The following RABGAP1L variants were observed in gnomAD, a reference collection of about 807,000 sequenced individuals.
RABGAP1L encodes the protein rab GTPase-activating protein 1-like.
Under a neutral mutation model 137.7 loss-of-function variants are expected in RABGAP1L, and 63 were observed. That is an observed-to-expected ratio of 0.46 (90% CI 0.37 to 0.56). The LOEUF (loss-of-function observed/expected upper bound fraction) is 0.56. RABGAP1L is among the 20% of genes least tolerant of loss of function. The pLI, the probability that RABGAP1L is intolerant of heterozygous loss-of-function variation, is 0.00. For missense variants in RABGAP1L, 1,095 were observed against 1,244.0 expected (o/e 0.88, Z 1.80); for synonymous variants, 431 against 433.7 (o/e 0.99, Z 0.08).
chr1:174,910,898 C>A (rs528820483), intron 19 of RABGAP1L, among the ~76,000 whole-genome samples: 1 of 152,310 alleles, frequency 6.6e-6, no homozygotes, highest in Non-Finnish European at 1.5e-5. Flanking sequence ...AGCAGCTCAA[C>A]CATTTTACAT....
intron 10 of RABGAP1L, among the ~76,000 whole-genome samples, chr1:174,302,360 T>C (rs1677793198): frequency 6.6e-6 from 1 of 152,206 alleles, no homozygotes; most frequent in Non-Finnish European, 1.5e-5. Flanking sequence ...CTAAATACTT[T>C]ACTTGCTTTT....
chr1:174,867,854 A>T (rs994790209), intron 19 of RABGAP1L, among the ~76,000 whole-genome samples: 1 of 152,212 alleles, frequency 6.6e-6, no homozygotes, highest in Non-Finnish European at 1.5e-5. Context: ...CATGTTGTTC[A>T]GGCTGGTCTC....
At chr1:174,169,933 C>G (rs1463486367) in intron 1 of RABGAP1L, among the ~76,000 whole-genome samples, 10 of 152,214 alleles carry the variant, frequency 6.6e-5, no homozygotes, top group Admixed American at 5.9e-4. Flanking sequence ...ATCCTCCTGC[C>G]TCAGCCCTTC....
At chr1:174,256,966 C>T (rs1201330476) in intron 7 of RABGAP1L, among the ~76,000 whole-genome samples, 1 of 152,162 alleles carries the variant, frequency 6.6e-6, no homozygotes, top group African/African-American at 2.4e-5. Flanking sequence ...CCTTGGCATT[C>T]TGATGTAAAC....
At chr1:174,836,491 A>G (rs1692766180) in intron 19 of RABGAP1L, among the ~76,000 whole-genome samples, 1 of 152,224 alleles carries the variant, frequency 6.6e-6, no homozygotes, top group Non-Finnish European at 1.5e-5. Context: ...TTAATAATCA[A>G]GTTTTTACAC....
intron 16 of RABGAP1L, chr1:174,701,083 A>G (rs1282325946): frequency 7.7e-7 from 1 of 1,303,500 alleles, no homozygotes; most frequent in Non-Finnish European, 1.0e-6. Context: ...TTTGTTTTTT[A>G]TTCTTCTTTT....
At chr1:174,789,901 T>C (rs904265184) in intron 18 of RABGAP1L, among the ~76,000 whole-genome samples, 7 of 152,180 alleles carry the variant, frequency 4.6e-5, no homozygotes, top group African/African-American at 1.7e-4. Flanking sequence ...TATTTTCTAA[T>C]TGGATACAGA....
intron 10 of RABGAP1L, among the ~76,000 whole-genome samples, chr1:174,293,941 T>G (rs1348179388): frequency 6.6e-6 from 1 of 152,082 alleles, no homozygotes; most frequent in East Asian, 1.9e-4. Flanking sequence ...TATACATAGT[T>G]CAGAAGCAGC....
At chr1:174,505,380 T>C (rs533248469) in intron 13 of RABGAP1L, among the ~76,000 whole-genome samples, 20 of 152,340 alleles carry the variant, frequency 1.3e-4, no homozygotes, top group African/African-American at 4.6e-4. Flanking sequence ...CCAGTTCTTT[T>C]TCACATTTTG....
chr1:174,797,028 A>G (rs1334013796), intron 18 of RABGAP1L, among the ~76,000 whole-genome samples: 1 of 152,148 alleles, frequency 6.6e-6, no homozygotes, highest in African/African-American at 2.4e-5. Flanking sequence ...ATCATATTTT[A>G]ATTATTACAT....
Position 174,176,728 on chromosome 1 carries a change from A to ATAAAT in RABGAP1L, c.-34+17071_-34+17072insTAAAT, listed in dbSNP as rs1558005427. On this transcript the variant is annotated intron_variant, in intron 1 of 25. Transcript: ENST00000681986. Reference sequence around the variant, plus strand: ...CCCTTTTTCAGAAAAAAAAAAAAAAAAAAAAAAAAAAAAAAAAAGGTCAAC... The same window carrying ATAAAT: ...CCCTTTTTCAGAAAAAAAAAAAAAAATAAATAAAAAAAAAAAAAAAAAAGGTCAAC... 1.5e-4 allele frequency among the ~76,000 whole-genome samples: 21 copies of ATAAAT among 141,120 alleles called. 1 individual carries two copies. Among genetic ancestry groups the ATAAAT allele is most frequent in the South Asian group, 1.2e-3 (5 of 4,286 alleles). The allele number at this position is 141,120 out of a possible 152,430, so 92.6% of individuals were successfully genotyped here. A position where few individuals can be genotyped will look rare whatever the true frequency, so the allele number is the denominator to read the frequency against.
At chr1:174,313,970 T>C (rs919960567) in intron 11 of RABGAP1L, among the ~76,000 whole-genome samples, 1 of 152,204 alleles carries the variant, frequency 6.6e-6, no homozygotes, top group South Asian at 2.1e-4. Context: ...ACTTTTCTTT[T>C]TTTTGATATG....
chr1:174,517,141 A>G (rs1260457307), intron 13 of RABGAP1L, among the ~76,000 whole-genome samples: 2 of 152,000 alleles, frequency 1.3e-5, no homozygotes, highest in African/African-American at 2.4e-5. Context: ...CGTGAATAAT[A>G]TTTCACTAAG....
At chr1:174,657,916 A>G (rs116036572) in intron 14 of RABGAP1L, among the ~76,000 whole-genome samples, 3,196 of 152,288 alleles carry the variant, frequency 0.021, 56 homozygotes, top group Non-Finnish European at 0.032. Context: ...CCCCCAGGAA[A>G]AAGGCTTTTC....
chr1:174,313,856 A>G (rs1679103518), intron 11 of RABGAP1L, among the ~76,000 whole-genome samples: 2 of 152,142 alleles, frequency 1.3e-5, no homozygotes, highest in South Asian at 2.1e-4. Flanking sequence ...ATAAATCTCA[A>G]TTGGTCATCA....
At chr1:174,506,711 T>C (rs1395511930) in intron 13 of RABGAP1L, among the ~76,000 whole-genome samples, 2 of 152,340 alleles carry the variant, frequency 1.3e-5, no homozygotes, top group Non-Finnish European at 2.9e-5. Context: ...TGTCTACGCA[T>C]TGGGTAAAGT....
intron 9 of RABGAP1L, among the ~76,000 whole-genome samples, chr1:174,278,215 C>T (rs1486099886): frequency 6.6e-6 from 1 of 152,020 alleles, no homozygotes; most frequent in Non-Finnish European, 1.5e-5. Context: ...CCAGCCTGGC[C>T]AACATGGTGA....
At chr1:174,987,654 T>C (rs1671710165) in intron 24 of RABGAP1L, among the ~76,000 whole-genome samples, 1 of 152,162 alleles carries the variant, frequency 6.6e-6, no homozygotes, top group African/African-American at 2.4e-5. Context: ...CTTGTAGCAG[T>C]AGGGCATCAA....
chr1:174,180,235 C>T (rs1666238034), intron 1 of RABGAP1L, among the ~76,000 whole-genome samples: 3 of 152,168 alleles, frequency 2.0e-5, no homozygotes, highest in Admixed American at 6.5e-5. Flanking sequence ...GTTCTAGAGC[C>T]AGACAGACCT....
Sources: gnomAD v4.1 joint callset for allele counts (sites outside exome capture counted in the v4.1 genomes callset) on GRCh38, gnomAD v4.1.1 for gene constraint, MANE v1.5 for transcripts, NCBI Gene and HGNC (gene_info 2026-07-23, HGNC 2026-07-21) for gene names.